Variants in SLC39A10 observed in about 807,000 individuals in gnomAD.
SLC39A10 encodes the protein zinc transporter ZIP10.
SLC39A10 carries 13 observed loss-of-function variants against 65.1 expected under a neutral mutation model. The observed-to-expected ratio is 0.20, with a 90% CI of 0.13 to 0.32. SLC39A10 has a LOEUF of 0.32. Ranked by LOEUF, SLC39A10 falls within the 10% of genes least tolerant of loss-of-function variation. The pLI is 1.00. For synonymous variants in SLC39A10, 321 were observed against 342.2 expected (o/e 0.94, Z 0.68); for missense variants, 831 against 1,018.4 (o/e 0.82, Z 2.50).
chr2:195,685,085 T>A lies in SLC39A10; in HGVS notation c.1216+1179T>A, dbSNP rs564273650. Among the ~76,000 whole-genome samples, 87 of 152,236 alleles carry A rather than the reference T, an allele frequency of 5.7e-4. 1 individual carries two copies. The South Asian group carries it at 0.017, about 30-fold the overall frequency. ...AACCATTTTGCTATCTTATGTGTTG[T>A]TTTAAATGCATTTTTTTTTCACTAA... On this transcript the variant is annotated intron_variant, in intron 3 of 9. Coordinates refer to ENST00000359634, the MANE Select transcript of SLC39A10 (RefSeq NM_020342.3).
chr2:195,662,689 A>G (rs1185622496), intron 1 of SLC39A10, among the ~76,000 whole-genome samples: 2 of 152,192 alleles, frequency 1.3e-5, no homozygotes, highest in African/African-American at 4.8e-5. Context: ...TTTGAGTTTT[A>G]AAATAGTGGT....
rs373651483 is a variant in SLC39A10, at chr2:195,676,715, T to G, written c.-11-3317T>G. Among the ~76,000 whole-genome samples, 12 of 152,318 alleles carry G rather than the reference T, an allele frequency of 7.9e-5. No individual in the cohort carries two copies. In the East Asian group the frequency reaches 1.5e-3, roughly 20 times the overall value. On this transcript the variant is annotated intron_variant, in intron 1 of 9. Coordinates refer to ENST00000359634, the MANE Select transcript of SLC39A10 (RefSeq NM_020342.3). The stretch of plus-strand genomic sequence containing the variant: ...AGTATAATTTTATAAAAAGAAGTCT[T>G]TAATACCTTGCTAATCTTCTGAATT...
At chr2:195,684,083 A>G (rs1690433355) in intron 3 of SLC39A10, among the ~76,000 whole-genome samples, 177 bp downstream of exon 3, 1 of 152,016 alleles carries the variant, frequency 6.6e-6, no homozygotes, top group African/African-American at 2.4e-5. Flanking sequence ...AGACGGGGGC[A>G]CAATGTGTTT....
rs1323305365 is a variant in SLC39A10, at chr2:195,657,514, C to T, written c.-12+233C>T. ...CAGAGTGTTGGGCGCCGCGGCTCCT[C>T]GTGTGCGGTCTGGGCTGCTGCGGGC... On this transcript the variant is annotated intron_variant, in intron 1 of 9. Coordinates refer to ENST00000359634, the MANE Select transcript of SLC39A10 (RefSeq NM_020342.3). 4.1e-6 allele frequency: 4 copies of T among 985,440 alleles called. No homozygotes were observed. In the South Asian group the frequency reaches 1.4e-4, roughly 35 times the overall value. 61.0% of individuals were successfully genotyped at this position (985,440 alleles called of 1,614,324 possible).
chr2:195,702,827 G>A (rs1477901277), intron 3 of SLC39A10, among the ~76,000 whole-genome samples: 5 of 152,200 alleles, frequency 3.3e-5, no homozygotes, highest in Admixed American at 6.5e-5. Context: ...TCAGAATTGT[G>A]TTAGGTCAAC....
At chr2:195,619,630 A>G (rs1331099051) in intron 2 of SLC39A10, among the ~76,000 whole-genome samples, 8 of 152,376 alleles carry the variant, frequency 5.3e-5, no homozygotes, top group Middle Eastern at 3.4e-3. Flanking sequence ...CAGAAGCTAT[A>G]GAATGACAAA....
chr2:195,645,129 G>C (rs796343660), intron 2 of SLC39A10, among the ~76,000 whole-genome samples: 2 of 151,736 alleles, frequency 1.3e-5, no homozygotes, highest in East Asian at 3.9e-4. Flanking sequence ...GGCTGGTCTC[G>C]AACTTCCGAC....
At position 195,683,772 on chromosome 2, in the gene SLC39A10, C is replaced by G; in HGVS notation, c.1082C>G (p.Thr361Arg). The G allele has an allele frequency of 1.2e-6, 2 of 1,613,362 alleles. No individual in the cohort carries two copies. Among genetic ancestry groups the G allele is most frequent in the Non-Finnish European group, 1.7e-6 (2 of 1,179,474 alleles). Reference sequence around the variant, plus strand: ...TCTCCCATCTCAACTGATTTATTTACATACCTTTGCCCTGCATTGTTATAT... The same window carrying G: ...TCTCCCATCTCAACTGATTTATTTAGATACCTTTGCCCTGCATTGTTATAT... Reference protein sequence around the residue: ...ANSPISTDLFTYLCPALLYQI... With the variant: ...ANSPISTDLFRYLCPALLYQI... Residue 361 changes from threonine to arginine, a missense_variant, in exon 3 of 10, where the codon ACA (threonine) becomes AGA (arginine). Transcript: ENST00000359634.
chr2:195,624,551 G>A (rs1688423113), intron 2 of SLC39A10, among the ~76,000 whole-genome samples: 1 of 151,996 alleles, frequency 6.6e-6, no homozygotes, highest in African/African-American at 2.4e-5. Flanking sequence ...CCACTCAGAA[G>A]GAGGGAGGGG....
intron 1 of SLC39A10, among the ~76,000 whole-genome samples, chr2:195,661,426 A>T (rs948896973): frequency 6.6e-6 from 1 of 152,194 alleles, no homozygotes; most frequent in Non-Finnish European, 1.5e-5. Context: ...TTATATAGAG[A>T]CAAGGATCTT....
At chr2:195,686,646 C>T (rs1051269516) in intron 3 of SLC39A10, among the ~76,000 whole-genome samples, 1 of 152,214 alleles carries the variant, frequency 6.6e-6, no homozygotes, top group African/African-American at 2.4e-5. Flanking sequence ...ATTAAACCCA[C>T]TATACAGGCA....
At chr2:195,722,028 G>A (rs574633015) in intron 8 of SLC39A10, among the ~76,000 whole-genome samples, 2 of 152,296 alleles carry the variant, frequency 1.3e-5, no homozygotes, top group South Asian at 2.1e-4. Context: ...TAGAACAAAT[G>A]CATTACATAC....
chr2:195,681,631 A>T (rs543744336), intron 2 of SLC39A10, among the ~76,000 whole-genome samples: 1 of 151,898 alleles, frequency 6.6e-6, no homozygotes, highest in South Asian at 2.1e-4. Context: ...TTTTTAAGAA[A>T]TTTTTTTTTG....
intron 2 of SLC39A10, among the ~76,000 whole-genome samples, chr2:195,681,264 C>T (rs1690304205): frequency 6.6e-6 from 1 of 152,176 alleles, no homozygotes; most frequent in Admixed American, 6.5e-5. Context: ...CGGTGGCTCA[C>T]ACCTGTAATC....
intron 2 of SLC39A10, among the ~76,000 whole-genome samples, chr2:195,625,776 A>T (rs1223996747): frequency 6.6e-6 from 1 of 152,222 alleles, no homozygotes; most frequent in Non-Finnish European, 1.5e-5. Flanking sequence ...GTGATACCAA[A>T]AATGGAGGAA....
intron 2 of SLC39A10, among the ~76,000 whole-genome samples, chr2:195,618,928 A>C (rs1377827049): frequency 1.3e-5 from 2 of 152,058 alleles, no homozygotes; most frequent in Non-Finnish European, 2.9e-5. Context: ...CCCCGTCTCT[A>C]CTAAAAATAC....
chr2:195,627,192 A>G (rs985944774), intron 2 of SLC39A10, among the ~76,000 whole-genome samples: 5 of 152,180 alleles, frequency 3.3e-5, no homozygotes, highest in Non-Finnish European at 7.3e-5. Flanking sequence ...GACTCTAGAG[A>G]GTTTAGTCCT....
intron 2 of SLC39A10, among the ~76,000 whole-genome samples, chr2:195,625,132 GCTTGAACCCGGGAGGTGGAGGTTGCA>G (rs1688440112): frequency 6.7e-6 from 1 of 148,678 alleles, no homozygotes; most frequent in African/African-American, 2.5e-5. Context: ...CATGAGAATC[GCTTGAACCCGGGAGGTGGAGGTTGCA>G]GTGAGCTGAA....
At chr2:195,614,880 C>A (rs1688173326) in intron 2 of SLC39A10, among the ~76,000 whole-genome samples, 1 of 151,912 alleles carries the variant, frequency 6.6e-6, no homozygotes. Flanking sequence ...ATAGCAAGAC[C>A]CTGCTACAAA....
Sources: gnomAD v4.1 joint callset for allele counts (sites outside exome capture counted in the v4.1 genomes callset) on GRCh38, gnomAD v4.1.1 for gene constraint, MANE v1.5 for transcripts, NCBI Gene and HGNC (gene_info 2026-07-23, HGNC 2026-07-21) for gene names.